EPHA6: variants seen among roughly 807,000 people sequenced by gnomAD.
The protein encoded by EPHA6 is EPH receptor A6, also known as ephrin type-A receptor 6.
A neutral mutation model predicts 112.0 loss-of-function variants in EPHA6; 50 were observed. That is an observed-to-expected ratio of 0.45 (90% CI 0.36 to 0.56). The LOEUF is 0.56. Among genes scored for constraint, EPHA6 ranks in the 20% least tolerant of loss-of-function variants. The pLI is 0.00. For synonymous variants in EPHA6, 529 were observed against 490.7 expected (o/e 1.08, Z -1.03); for missense variants, 1,280 against 1,417.4 (o/e 0.90, Z 1.56).
intron 5 of EPHA6, among the ~76,000 whole-genome samples, chr3:97,368,809 G>T (rs2084887337): frequency 6.6e-6 from 1 of 151,998 alleles, no homozygotes; most frequent in Non-Finnish European, 1.5e-5. Context: ...ACAGTCCCAG[G>T]TGCTTGTGAC....
chr3:97,639,440 T>C (rs2093981876), intron 14 of EPHA6, among the ~76,000 whole-genome samples: 1 of 152,068 alleles, frequency 6.6e-6, no homozygotes, highest in Non-Finnish European at 1.5e-5. Context: ...ATTAAGCACA[T>C]TATTTCTAAT....
intron 14 of EPHA6, among the ~76,000 whole-genome samples, chr3:97,649,762 A>G (rs1454489982): frequency 8.2e-6 from 1 of 122,096 alleles, no homozygotes; most frequent in Non-Finnish European, 1.7e-5. Context: ...CAAAATCACT[A>G]TTCACACACA....
intron 3 of EPHA6, among the ~76,000 whole-genome samples, chr3:97,154,553 G>A (rs2076245748): frequency 5.9e-5 from 9 of 152,130 alleles, no homozygotes; most frequent in Admixed American, 5.9e-4. Flanking sequence ...TGTAGTCACT[G>A]TGCTGTGCAA....
chr3:97,091,526 A>G (rs1328876865), intron 3 of EPHA6, among the ~76,000 whole-genome samples: 2 of 152,196 alleles, frequency 1.3e-5, no homozygotes, highest in Non-Finnish European at 2.9e-5. Flanking sequence ...GTTCAAAGGC[A>G]TAGATTCTGT....
chr3:96,974,683 A>G (rs77705720), intron 2 of EPHA6, among the ~76,000 whole-genome samples: 3,562 of 152,190 alleles, frequency 0.023, 148 homozygotes, highest in African/African-American at 0.081. Flanking sequence ...TCTTATGTTC[A>G]TTTTATGAAT....
chr3:96,844,012 C>G (rs527794428), intron 1 of EPHA6, among the ~76,000 whole-genome samples: 6 of 151,874 alleles, frequency 4.0e-5, no homozygotes, highest in Non-Finnish European at 8.8e-5. Context: ...TTCTTTGAAC[C>G]TAGGCCCATT....
At chr3:97,539,712 T>C (rs555543035) in intron 11 of EPHA6, among the ~76,000 whole-genome samples, 2 of 152,220 alleles carry the variant, frequency 1.3e-5, no homozygotes, top group South Asian at 4.2e-4. Flanking sequence ...CAAAAGTAAA[T>C]AACTGTGATA....
At chr3:97,418,693 A>G (rs2088341028) in intron 6 of EPHA6, among the ~76,000 whole-genome samples, 1 of 152,228 alleles carries the variant, frequency 6.6e-6, no homozygotes. Flanking sequence ...ATAAATAAGA[A>G]GGAAAATGAT....
intron 3 of EPHA6, among the ~76,000 whole-genome samples, chr3:97,172,032 G>T (rs1006276310): frequency 2.6e-5 from 4 of 152,052 alleles, no homozygotes; most frequent in Non-Finnish European, 5.9e-5. Flanking sequence ...TGATTTACTG[G>T]TCACCTTTAA....
At chr3:96,890,111 A>G (rs2037866525) in intron 2 of EPHA6, among the ~76,000 whole-genome samples, 1 of 149,174 alleles carries the variant, frequency 6.7e-6, no homozygotes, top group Non-Finnish European at 1.5e-5. Context: ...ATTAAACCGA[A>G]CCCCCAAAAT....
intron 3 of EPHA6, among the ~76,000 whole-genome samples, chr3:97,086,600 C>T (rs1431267212): frequency 6.6e-6 from 1 of 151,926 alleles, no homozygotes; most frequent in East Asian, 1.9e-4. Flanking sequence ...TAAATATACA[C>T]ATAAGCACAT....
At chr3:97,186,728 G>A (rs2077149317) in intron 3 of EPHA6, among the ~76,000 whole-genome samples, 1 of 151,880 alleles carries the variant, frequency 6.6e-6, no homozygotes. Flanking sequence ...ATTCATTTTT[G>A]TTTTCCTTTG....
intron 3 of EPHA6, among the ~76,000 whole-genome samples, chr3:97,095,530 A>G (rs2047210386): frequency 1.3e-5 from 2 of 151,990 alleles, no homozygotes. Flanking sequence ...GCACAGGCTG[A>G]TAATGCTTAC....
chr3:97,246,195 T>G (rs1405096123), intron 5 of EPHA6, among the ~76,000 whole-genome samples: 1 of 151,996 alleles, frequency 6.6e-6, no homozygotes, highest in African/African-American at 2.4e-5. Flanking sequence ...GCAGATGATT[T>G]TGAAGGTTTT....
intron 3 of EPHA6, among the ~76,000 whole-genome samples, chr3:97,145,143 T>A (rs958416652): frequency 6.6e-6 from 1 of 151,478 alleles, no homozygotes; most frequent in South Asian, 2.1e-4. Context: ...TAACTTCATA[T>A]TAAGGTAATT....
At chr3:97,232,864 T>G (rs1220279407) in intron 4 of EPHA6, among the ~76,000 whole-genome samples, 1 of 152,166 alleles carries the variant, frequency 6.6e-6, no homozygotes, top group Non-Finnish European at 1.5e-5. Flanking sequence ...AGTGGCCTGC[T>G]GGCACTCGGG....
chr3:96,918,078 C>T (rs1024431354), intron 2 of EPHA6, among the ~76,000 whole-genome samples: 1 of 152,152 alleles, frequency 6.6e-6, no homozygotes, highest in Admixed American at 6.5e-5. Flanking sequence ...CCCTCTACCC[C>T]CATCCCACCT....
Position 97,369,096 on chromosome 3 carries a change from G to A in EPHA6, c.1607-36054G>A, listed in dbSNP as rs549312884. On this transcript the variant is annotated intron_variant, in intron 5 of 17. Transcript: ENST00000389672. ...CTGAGCTGGGAAAAGAGTTTTCCAT[G>A]TCTTAACAGAGTACACTTGTAGTCA... Among the ~76,000 whole-genome samples, 50 of 152,302 alleles carry A rather than the reference G, an allele frequency of 3.3e-4. 1 individual carries two copies. The highest frequency in any genetic ancestry group is 3.2e-3 in the Admixed American group (49 of 15,284).
intron 11 of EPHA6, among the ~76,000 whole-genome samples, chr3:97,576,648 G>A (rs1246502227): frequency 1.3e-5 from 2 of 152,066 alleles, no homozygotes; most frequent in Non-Finnish European, 2.9e-5. Context: ...TTAATCTATA[G>A]ACTTTGTTTT....
Sources: allele counts gnomAD v4.1 joint callset (sites outside exome capture counted in the v4.1 genomes callset), GRCh38; gene constraint gnomAD v4.1.1; transcripts MANE v1.5; gene names NCBI Gene and HGNC (gene_info 2026-07-23, HGNC 2026-07-21).